TMTC4: variants seen among roughly 807,000 people sequenced by gnomAD.
TMTC4 encodes the protein protein O-mannosyl-transferase TMTC4.
Under a neutral mutation model 86.0 loss-of-function variants are expected in TMTC4, and 65 were observed. The observed-to-expected ratio is 0.76, with a 90% CI of 0.62 to 0.93. The LOEUF is 0.93. TMTC4 is among the 40% of genes least tolerant of loss of function. TMTC4 has a pLI of 0.00. For missense variants in TMTC4, 866 were observed against 948.1 expected (o/e 0.91, Z 1.14); for synonymous variants, 379 against 382.5 (o/e 0.99, Z 0.11).
intron 3 of TMTC4, among the ~76,000 whole-genome samples, chr13:100,666,708 C>T (rs1232998291): frequency 6.6e-6 from 1 of 152,230 alleles, no homozygotes; most frequent in African/African-American, 2.4e-5. Flanking sequence ...AGCCACCAAT[C>T]CGTGCTGGGC....
chr13:100,606,074 T>C lies in TMTC4; in HGVS notation c.2134+284A>G, dbSNP rs139820388. Among the ~76,000 whole-genome samples the C allele has an allele frequency of 3.8e-3, 578 of 152,316 alleles. 4 individuals are homozygous for C. The highest frequency in any genetic ancestry group is 0.013 in the African/African-American group (530 of 41,582). On this transcript the variant is annotated intron_variant, in intron 18 of 18. Transcript: ENST00000342624. Reference sequence around the variant, plus strand: ...CTTCGCAACCATAGCCTCATTCTCTTGATCCAATCTCACCCTTCTCAGCTT... The same window carrying C: ...CTTCGCAACCATAGCCTCATTCTCTCGATCCAATCTCACCCTTCTCAGCTT...
upstream of TMTC4, chr13:100,674,899 C>T: frequency 1.0e-6 from 1 of 983,692 alleles, no homozygotes; most frequent in South Asian, 4.7e-5. Flanking sequence ...CGCGCGCGGG[C>T]GCCCCCCAGC....
chr13:100,647,591 CG>C (rs1282213783), intron 6 of TMTC4, among the ~76,000 whole-genome samples: 1 of 152,164 alleles, frequency 6.6e-6, no homozygotes, highest in Non-Finnish European at 1.5e-5. Flanking sequence ...CCTAGAAAAA[CG>C]GAATTATCTT....
At chr13:100,638,823 T>C (rs1456131854) in intron 7 of TMTC4, 1 of 152,294 alleles carries the variant, frequency 6.6e-6, no homozygotes, top group East Asian at 1.9e-4. Flanking sequence ...GGCCGTGGTG[T>C]GGAGGACGGC....
At chr13:100,637,872 A>C (rs1433432924) in intron 8 of TMTC4, 58 bp downstream of exon 8, 1 of 1,549,980 alleles carries the variant, frequency 6.5e-7, no homozygotes, top group East Asian at 2.3e-5. Context: ...TGGCATTTTA[A>C]ATCAGCTGGT....
At chr13:100,674,322 G>C in intron 1 of TMTC4, 1 of 978,726 alleles carries the variant, frequency 1.0e-6, no homozygotes, top group Non-Finnish European at 1.2e-6. Context: ...CCTGCGCCGC[G>C]GCCAGCTGGC....
At chr13:100,623,690 A>G (rs1278521404) in intron 15 of TMTC4, among the ~76,000 whole-genome samples, 1 of 134,420 alleles carries the variant, frequency 7.4e-6, no homozygotes, top group Admixed American at 8.4e-5. Context: ...GAGCCAATGC[A>G]ATGGCTGGTC....
chr13:100,638,365 C>T (rs963416346), intron 7 of TMTC4: 3 of 194,186 alleles, frequency 1.5e-5, no homozygotes, highest in African/African-American at 7.0e-5. Context: ...CACTATAAAA[C>T]AGTCCTTTAG....
intron 15 of TMTC4, among the ~76,000 whole-genome samples, chr13:100,621,976 G>A (rs995521392): frequency 1.3e-5 from 2 of 152,078 alleles, no homozygotes; most frequent in Non-Finnish European, 2.9e-5. Flanking sequence ...ATTATGTTGA[G>A]GTTTCACAGC....
chr13:100,657,947 A>C (rs751405637), intron 5 of TMTC4, among the ~76,000 whole-genome samples: 5 of 152,158 alleles, frequency 3.3e-5, no homozygotes, highest in Non-Finnish European at 2.9e-5. Context: ...GATGGCTGGG[A>C]AAATTGAATA....
intron 1 of TMTC4, chr13:100,673,383 G>A (rs947101507): frequency 3.0e-6 from 3 of 984,862 alleles, no homozygotes. Context: ...TGCATCCAGG[G>A]GCCTGCTGAC....
chr13:100,632,043 ACACACACACACTCTCTCTCTCTCT>A (rs1289141924), intron 12 of TMTC4, among the ~76,000 whole-genome samples: 1 of 67,724 alleles, frequency 1.5e-5, no homozygotes, highest in Non-Finnish European at 3.5e-5. Flanking sequence ...ACACACACAC[ACACACACACACTCTCTCTCTCTCT>A]CTCTCTCTCT....
At chr13:100,630,574 C>A (rs1455926170) in intron 12 of TMTC4, among the ~76,000 whole-genome samples, 6 of 152,152 alleles carry the variant, frequency 3.9e-5, no homozygotes, top group Non-Finnish European at 1.5e-5. Context: ...GGACATGTGA[C>A]TTCACCTCCT....
At chr13:100,674,984 T>G (rs1176619611), upstream of TMTC4, 1 of 985,354 alleles carries the variant, frequency 1.0e-6, no homozygotes, top group East Asian at 1.1e-4. Flanking sequence ...GCCAAGTCCC[T>G]CCTCAGCTCA....
At chr13:100,613,487 T>C (rs1301100322) in intron 16 of TMTC4, among the ~76,000 whole-genome samples, 2 of 152,186 alleles carry the variant, frequency 1.3e-5, no homozygotes, top group Non-Finnish European at 2.9e-5. Flanking sequence ...AAAGAATCCA[T>C]GGCTCCAAGT....
chr13:100,624,944 G>C (rs1191843529), intron 15 of TMTC4: 1 of 152,416 alleles, frequency 6.6e-6, no homozygotes, highest in African/African-American at 2.4e-5. Flanking sequence ...AGAAAATCAA[G>C]AGCAATCAGA....
At chr13:100,632,051 ACACT>A (rs1208395146) in intron 12 of TMTC4, among the ~76,000 whole-genome samples, 110 of 28,564 alleles carry the variant, frequency 3.9e-3, no homozygotes, top group Admixed American at 0.017. Flanking sequence ...ACACACACAC[ACACT>A]CTCTCTCTCT....
At chr13:100,671,839 G>C (rs11069405) in intron 1 of TMTC4, among the ~76,000 whole-genome samples, 40,440 of 149,476 alleles carry the variant, frequency 0.27, 6,141 homozygotes, top group Admixed American at 0.38. Flanking sequence ...AACGTACATA[G>C]TGGAACAGTT....
At chr13:100,658,154 G>C (rs1885333066) in intron 5 of TMTC4, among the ~76,000 whole-genome samples, 1 of 152,184 alleles carries the variant, frequency 6.6e-6, no homozygotes, top group Admixed American at 6.5e-5. Context: ...CACTCCATCA[G>C]GGACACAGTA....
Sources: gnomAD v4.1 joint callset for allele counts (sites outside exome capture counted in the v4.1 genomes callset) on GRCh38, gnomAD v4.1.1 for gene constraint, MANE v1.5 for transcripts, NCBI Gene and HGNC (gene_info 2026-07-23, HGNC 2026-07-21) for gene names.